ZBBX: variants seen among roughly 807,000 people sequenced by gnomAD.
ZBBX encodes zinc finger B-box domain-containing protein 1.
In ZBBX, 101 loss-of-function variants were observed where a neutral mutation model predicts 108.5. The ratio of observed to expected loss-of-function variants is 0.93; its 90% CI spans 0.79 to 1.10. The LOEUF (loss-of-function observed/expected upper bound fraction) is 1.10. Among genes scored for constraint, ZBBX ranks in the 50% least tolerant of loss-of-function variants. The pLI is 0.00. For synonymous variants in ZBBX, 356 were observed against 323.4 expected, an observed-to-expected ratio of 1.10 and a Z score of -1.08; for missense variants, 1,009 against 941.4, an observed-to-expected ratio of 1.07 and a Z score of -0.94.
At chr3:167,323,242 G>A (rs562856003) in intron 11 of ZBBX, among the ~76,000 whole-genome samples, 10 of 148,908 alleles carry the variant, frequency 6.7e-5, no homozygotes, top group South Asian at 4.3e-4. Flanking sequence ...TAAAAGAGGG[G>A]GGGGGGGGAA....
intron 20 of ZBBX, among the ~76,000 whole-genome samples, chr3:167,243,081 CT>C (rs758618230): frequency 6.6e-6 from 1 of 152,132 alleles, no homozygotes; most frequent in Non-Finnish European, 1.5e-5. Flanking sequence ...TCTTTTTTGA[CT>C]TCCTTGCTTT....
At chr3:167,357,166 T>C (rs1229816321) in intron 8 of ZBBX, among the ~76,000 whole-genome samples, 2 of 152,102 alleles carry the variant, frequency 1.3e-5, no homozygotes, top group Non-Finnish European at 2.9e-5. Context: ...TAAGTATAGA[T>C]GGACAAGATT....
intron 6 of ZBBX, among the ~76,000 whole-genome samples, chr3:167,364,934 C>T (rs1745103980): frequency 6.6e-6 from 1 of 151,768 alleles, no homozygotes; most frequent in South Asian, 2.1e-4. Flanking sequence ...ATATGTTTGA[C>T]TTCCTCCTCT....
intron 9 of ZBBX, among the ~76,000 whole-genome samples, chr3:167,344,801 A>G (rs1263481324): frequency 9.9e-5 from 15 of 151,820 alleles, no homozygotes; most frequent in Admixed American, 8.6e-4. Flanking sequence ...GCACTCAGGG[A>G]GCTATATCTT....
intron 20 of ZBBX, among the ~76,000 whole-genome samples, chr3:167,279,050 AC>A (rs1346492630): frequency 6.6e-6 from 1 of 151,470 alleles, no homozygotes; most frequent in Non-Finnish European, 1.5e-5. Context: ...AAATCCAACA[AC>A]CCTTCATGCT....
At chr3:167,247,934 C>T (rs151012212) in intron 20 of ZBBX, among the ~76,000 whole-genome samples, 3 of 152,306 alleles carry the variant, frequency 2.0e-5, no homozygotes, top group African/African-American at 7.2e-5. Flanking sequence ...TCAAAATTCC[C>T]AGACTTCGTA....
At chr3:167,264,396 C>T (rs1318575578) in intron 20 of ZBBX, among the ~76,000 whole-genome samples, 1 of 151,990 alleles carries the variant, frequency 6.6e-6, no homozygotes, top group Non-Finnish European at 1.5e-5. Flanking sequence ...TTGATGTTCC[C>T]ATGAGACTTG....
At chr3:167,300,595 C>T (rs933732918) in intron 17 of ZBBX, among the ~76,000 whole-genome samples, 1 of 150,698 alleles carries the variant, frequency 6.6e-6, no homozygotes, top group African/African-American at 2.5e-5. Context: ...ACATTCCCAT[C>T]TCCCCCACCA....
Position 167,358,690 on chromosome 3 carries a change from A to ACTTTG in ZBBX, c.432+1175_432+1179dup, listed in dbSNP as rs931068060. Reference sequence around the variant, plus strand: ...GGTGGCTCACACCTGTAATCCCAGCACTTTGGGAGGCAGAGGCAGGCGGAT... The same window carrying ACTTTG: ...GGTGGCTCACACCTGTAATCCCAGCACTTTGCTTTGGGAGGCAGAGGCAGGCGGAT... On this transcript the variant is annotated intron_variant, in intron 8 of 21. Transcript: ENST00000675490. 1.1e-4 allele frequency among the ~76,000 whole-genome samples: 16 copies of ACTTTG among 152,112 alleles called. No homozygotes were observed. In the East Asian group the frequency reaches 3.1e-3, roughly 30 times the overall value.
At position 167,349,375 on chromosome 3, in the gene ZBBX, A is replaced by G. The variant is rs539439763; in HGVS notation, c.528+1045T>C. Among the ~76,000 whole-genome samples the G allele has an allele frequency of 2.6e-5, 4 of 152,224 alleles. No individual in the cohort carries two copies. The East Asian group carries it at 7.7e-4, about 29-fold the overall frequency. On this transcript the variant is annotated intron_variant, in intron 9 of 21. Coordinates refer to ENST00000675490, the MANE Select transcript of ZBBX (RefSeq NM_001199201.2). Reference sequence around the variant, plus strand: ...TTTCTTATGACTATCTGATTGTAATACCATGAGAGAGAGAAGTAGCAGGTT... The same window carrying G: ...TTTCTTATGACTATCTGATTGTAATGCCATGAGAGAGAGAAGTAGCAGGTT...
At chr3:167,382,009 T>A (rs1013109953), upstream of ZBBX, among the ~76,000 whole-genome samples, 2 of 152,212 alleles carry the variant, frequency 1.3e-5, no homozygotes, top group Non-Finnish European at 2.9e-5. Flanking sequence ...ATGTCAATTA[T>A]GTCCCAGTAA....
chr3:167,307,800 T>A (rs1198589276), intron 16 of ZBBX, among the ~76,000 whole-genome samples: 1 of 152,112 alleles, frequency 6.6e-6, no homozygotes, highest in East Asian at 1.9e-4. Flanking sequence ...TTATACCATA[T>A]ACAAAAATTA....
At chr3:167,230,785 G>A in the ZBBX span, among the ~76,000 whole-genome samples, 1 of 151,832 alleles carries the variant, frequency 6.6e-6, no homozygotes, top group Non-Finnish European at 1.5e-5. Context: ...AGTTCTCATT[G>A]TAATGCAAGG....
chr3:167,242,090 G>T (rs1396499870), intron 21 of ZBBX, among the ~76,000 whole-genome samples: 1 of 151,972 alleles, frequency 6.6e-6, no homozygotes, highest in African/African-American at 2.4e-5. Context: ...AATTTTCTAG[G>T]CTTGATTTCA....
At chr3:167,317,344 T>C in intron 13 of ZBBX, 144 bp downstream of exon 13, 2 of 682,510 alleles carry the variant, frequency 2.9e-6, no homozygotes, top group East Asian at 5.7e-5. Context: ...TGAGTGTACA[T>C]GATTTTCATC....
intron 10 of ZBBX, among the ~76,000 whole-genome samples, chr3:167,329,167 A>G (rs1356958030): frequency 2.0e-5 from 3 of 152,216 alleles, no homozygotes. Flanking sequence ...AGCACACAAG[A>G]AAATGAAGGA....
intron 17 of ZBBX, among the ~76,000 whole-genome samples, chr3:167,301,642 C>A (rs1732687088): frequency 1.3e-5 from 2 of 152,112 alleles, no homozygotes; most frequent in South Asian, 4.1e-4. Flanking sequence ...TTTCTACCTT[C>A]TATTTTAATT....
At chr3:167,226,652 A>G in the ZBBX span, among the ~76,000 whole-genome samples, 1 of 151,736 alleles carries the variant, frequency 6.6e-6, no homozygotes, top group East Asian at 1.9e-4. Flanking sequence ...CTCTGAATAG[A>G]TGCTTTTTTT....
At chr3:167,371,859 A>C (rs1577114990) in intron 4 of ZBBX, among the ~76,000 whole-genome samples, 1 of 152,308 alleles carries the variant, frequency 6.6e-6, no homozygotes, top group East Asian at 1.9e-4. Context: ...ATAGCTTTGA[A>C]GACACCAAAT....
Sources: allele counts gnomAD v4.1 joint callset (sites outside exome capture counted in the v4.1 genomes callset), GRCh38; gene constraint gnomAD v4.1.1; transcripts MANE v1.5; gene names NCBI Gene and HGNC (gene_info 2026-07-23, HGNC 2026-07-21).